PTPRB: variants seen among roughly 807,000 people sequenced by gnomAD.
PTPRB encodes the protein protein tyrosine phosphatase receptor type B.
A neutral mutation model predicts 238.1 loss-of-function variants in PTPRB; 97 were observed. That is an observed-to-expected ratio of 0.41 (90% CI 0.35 to 0.48). The LOEUF is 0.48. Among genes scored for constraint, PTPRB ranks in the 20% least tolerant of loss-of-function variants. The pLI is 0.30. For synonymous variants in PTPRB, 970 were observed against 995.4 expected (o/e 0.97, Z 0.48); for missense variants, 2,292 against 2,681.9 (o/e 0.85, Z 3.21).
intron 11 of PTPRB, among the ~76,000 whole-genome samples, chr12:70,573,509 T>TTTC (rs1565962545): frequency 1.5e-5 from 2 of 136,696 alleles, no homozygotes; most frequent in Non-Finnish European, 1.5e-5. Flanking sequence ...TCTTTTCTTT[T>TTTC]TTTTTTTTTT....
chr12:70,612,074 T>C (rs551398353), intron 3 of PTPRB, among the ~76,000 whole-genome samples: 8 of 152,086 alleles, frequency 5.3e-5, no homozygotes, highest in African/African-American at 1.7e-4. Context: ...ATTGGAATAA[T>C]ACCTACTCTA....
Position 70,519,142 on chromosome 12 carries a change from AC to A in PTPRB, c.*2346del, listed in dbSNP as rs2136185903. The A allele has an allele frequency of 6.6e-6, 1 of 152,292 alleles. No individual in the cohort carries two copies. The highest frequency in any genetic ancestry group is 1.9e-4 in the East Asian group (1 of 5,184). The allele number at this position is 152,292 out of a possible 1,614,324, so 9.4% of individuals were successfully genotyped here. ...TCCTGGGTTGGATTAGACTAAAAAA[AC>A]CTACGATTTTTCCCTGTCATGTCCA... is the stretch of plus-strand genomic sequence containing the variant. On this transcript the variant is annotated 3_prime_UTR_variant, in exon 34 of 34. Coordinates refer to ENST00000334414, the MANE Select transcript of PTPRB (RefSeq NM_001109754.4).
At chr12:70,586,302 AG>A (rs1329148001) in intron 9 of PTPRB, among the ~76,000 whole-genome samples, 3 of 152,144 alleles carry the variant, frequency 2.0e-5, no homozygotes, top group Admixed American at 2.0e-4. Context: ...CATCCTCTCC[AG>A]CACCTGTTGT....
chr12:70,597,084 A>AT (rs34242674), intron 4 of PTPRB, among the ~76,000 whole-genome samples: 3 of 150,952 alleles, frequency 2.0e-5, no homozygotes, highest in Admixed American at 6.6e-5. Flanking sequence ...TGTCCGGTGA[A>AT]TTTTTTTTTG....
At chr12:70,539,867 G>A in intron 24 of PTPRB, 23 bp from the exon 25 acceptor site, 1 of 1,576,294 alleles carries the variant, frequency 6.3e-7, no homozygotes, top group Non-Finnish European at 8.7e-7. Flanking sequence ...GCCAAAAGAG[G>A]AAGACTTTGT....
chr12:70,633,978 T>C lies in PTPRB; in HGVS notation c.451+1693A>G, dbSNP rs1292235910. On this transcript the variant is annotated intron_variant, in intron 2 of 33. Transcript: ENST00000334414. ...ATTATTTAGGAGAGGCCTTGATAGA[T>C]GAACCACAGGAAAGGTATTGTACAA... is the stretch of plus-strand genomic sequence containing the variant. Among the ~76,000 whole-genome samples the C allele has an allele frequency of 6.6e-5, 10 of 152,306 alleles. No homozygotes were observed. The East Asian group carries it at 1.7e-3, about 26-fold the overall frequency.
At position 70,637,424 on chromosome 12, in the gene PTPRB, C is replaced by G; in HGVS notation, c.-29G>C. ...CCACTTAGCAACTGTTCATGCTTCGCTTGGGGAAAAAAAAAATTCTCCCAG... is the reference window on the plus strand; with the variant it reads ...CCACTTAGCAACTGTTCATGCTTCGGTTGGGGAAAAAAAAAATTCTCCCAG... On this transcript the variant is annotated 5_prime_UTR_variant, in exon 1 of 34. Coordinates refer to ENST00000334414, the MANE Select transcript of PTPRB (RefSeq NM_001109754.4). The G allele has an allele frequency of 1.9e-6, 3 of 1,587,258 alleles. No individual in the cohort carries two copies. Among genetic ancestry groups the G allele is most frequent in the Non-Finnish European group, 2.6e-6 (3 of 1,165,372 alleles).
chr12:70,608,846 A>G (rs915015604), intron 4 of PTPRB: 27 of 629,202 alleles, frequency 4.3e-5, no homozygotes, highest in Non-Finnish European at 6.6e-5. Context: ...CGACCCTTTC[A>G]GTAGCTAGTT....
In PTPRB at chr12:70,533,530, C is replaced by CAAAG. The variant is rs1416483837; in HGVS notation, c.6368+954_6368+957dup. Reference sequence around the variant, plus strand: ...GGTTGATTTTCTGGACAGACTGAAGCAAAGAGAAATCAAGAGAACAAATTT... The same window carrying CAAAG: ...GGTTGATTTTCTGGACAGACTGAAGCAAAGAAAGAGAAATCAAGAGAACAAATTT... On this transcript the variant is annotated intron_variant, in intron 31 of 33. Coordinates refer to ENST00000334414, the MANE Select transcript of PTPRB (RefSeq NM_001109754.4). Among the ~76,000 whole-genome samples, 3 of 152,234 alleles carry CAAAG rather than the reference C, an allele frequency of 2.0e-5. No individual in the cohort carries two copies. The East Asian group carries it at 5.8e-4, about 29-fold the overall frequency.
intron 32 of PTPRB, among the ~76,000 whole-genome samples, chr12:70,525,586 G>A (rs200726775): frequency 7.2e-6 from 1 of 138,544 alleles, no homozygotes; most frequent in East Asian, 1.9e-4. Flanking sequence ...AATATAAATA[G>A]ATATAGAAGA....
In PTPRB at chr12:70,532,082, C is replaced by G. The variant is rs1421431271; in HGVS notation, c.6457G>C (p.Ala2153Pro). 1.2e-6 allele frequency: 2 copies of G among 1,613,834 alleles called. No homozygotes were observed. The highest frequency in any genetic ancestry group is 2.7e-5 in the African/African-American group (2 of 74,906). Reference protein sequence around the residue: ...DSKDSVDIYGAVHDLRLHRVH... With the variant: ...DSKDSVDIYGPVHDLRLHRVH... ...CTGTGAAGTCTTAGGTCGTGCACTG[C>G]TCCATAAATGTCCACAGAGTCTTTG... Residue 2153 changes from alanine (A) to proline (P), a missense_variant, in exon 32 of 34, where the codon GCA (alanine) becomes CCA (proline). Transcript: ENST00000334414.
At chr12:70,558,477 T>G (rs1345217400) in intron 18 of PTPRB, among the ~76,000 whole-genome samples, 2 of 152,152 alleles carry the variant, frequency 1.3e-5, no homozygotes, top group Admixed American at 6.6e-5. Context: ...CTACTTATAC[T>G]GGGTATTATT....
In PTPRB at chr12:70,532,071, G is replaced by C; in HGVS notation, c.6468C>G (p.Asp2156Glu). 1 of 1,613,900 alleles carries C rather than the reference G, an allele frequency of 6.2e-7. No individual in the cohort carries two copies. Among genetic ancestry groups the C allele is most frequent in the South Asian group, 1.1e-5 (1 of 91,078 alleles). ...DSVDIYGAVH[D>E]LRLHRVHMVQ... is the part of the protein sequence containing the mutation. ...CCATGTGAACCCTGTGAAGTCTTAG[G>C]TCGTGCACTGCTCCATAAATGTCCA... The change falls in exon 32 of 34, where the codon GAC (aspartate) becomes GAG (glutamate). Residue 2156 changes from aspartate (D) to glutamate (E), a missense_variant. This residue lies in a region of PTPRB where 397 missense variants were observed against 502.0 expected (regional missense o/e 0.79). Transcript: ENST00000334414.
At chr12:70,632,542 C>T (rs566867884) in intron 2 of PTPRB, among the ~76,000 whole-genome samples, 3 of 150,580 alleles carry the variant, frequency 2.0e-5, no homozygotes, top group African/African-American at 7.3e-5. Context: ...CAAACCTGCA[C>T]ATTGTGCACA....
At chr12:70,535,368 G>A (rs1362966211) in intron 29 of PTPRB, among the ~76,000 whole-genome samples, 4 of 150,662 alleles carry the variant, frequency 2.7e-5, no homozygotes, top group African/African-American at 4.9e-5. Flanking sequence ...GCCCTTCTTC[G>A]TTCATATTTT....
At chr12:70,525,079 C>T (rs76596336) in intron 32 of PTPRB, among the ~76,000 whole-genome samples, 1,811 of 151,716 alleles carry the variant, frequency 0.012, 36 homozygotes, top group African/African-American at 0.041. Context: ...GAACAAATGC[C>T]GGACACTCCT....
At chr12:70,570,826 C>A (rs1344788867) in intron 13 of PTPRB, 200 bp downstream of exon 13, 4 of 648,212 alleles carry the variant, frequency 6.2e-6, no homozygotes, top group South Asian at 4.0e-5. Context: ...CACCCTCCAA[C>A]CCCGCCACTC....
At chr12:70,596,351 ACAC>A (rs1565994681) in intron 4 of PTPRB, 24 bp from the exon 5 acceptor site, 8 of 1,242,590 alleles carry the variant, frequency 6.4e-6, no homozygotes, top group Non-Finnish European at 4.0e-6. Flanking sequence ...ACACACACAC[ACAC>A]AAAAAAAAAA....
In PTPRB at chr12:70,590,046, G is replaced by A. The variant is rs140406142; in HGVS notation, c.1968C>T (p.Leu656=). 5.6e-6 allele frequency: 9 copies of A among 1,613,818 alleles called. No individual in the cohort carries two copies. Among genetic ancestry groups the A allele is most frequent in the African/African-American group, 1.3e-5 (1 of 75,002 alleles). ...ETQYVMDDTG[L]VPGRQYEVEV... ...CCACCTCATACTGTCTTCCCGGTAC[G>A]AGCCCCGTGTCATCCATGACATACT... The change falls in exon 8 of 34, where the codon CTC becomes CTT. Residue 656 remains leucine (L), a synonymous_variant. Coordinates refer to ENST00000334414, the MANE Select transcript of PTPRB (RefSeq NM_001109754.4).
Sources: allele counts gnomAD v4.1 joint callset (sites outside exome capture counted in the v4.1 genomes callset), GRCh38; gene constraint gnomAD v4.1.1; regional missense constraint gnomAD v4.1.1; transcripts MANE v1.5; gene names NCBI Gene and HGNC (gene_info 2026-07-23, HGNC 2026-07-21).